The following SLC17A1 variants were observed in gnomAD, a reference collection of about 807,000 sequenced individuals.
SLC17A1 encodes solute carrier family 17 member 1.
In SLC17A1, 51 loss-of-function variants were observed where a neutral mutation model predicts 53.5. The ratio of observed to expected loss-of-function variants is 0.95; its 90% confidence interval spans 0.76 to 1.20. The LOEUF is 1.20. SLC17A1 is among the 50% of genes most tolerant of loss of function. The pLI is 0.00. For missense variants in SLC17A1, 538 were observed against 568.2 expected (o/e 0.95, Z 0.54); for synonymous variants, 179 against 198.8 (o/e 0.90, Z 0.84).
chr6:25,778,582 GTGAA>G (rs1171870765), downstream of SLC17A1, among the ~76,000 whole-genome samples: 1 of 152,104 alleles, frequency 6.6e-6, no homozygotes, highest in Non-Finnish European at 1.5e-5. Flanking sequence ...TGCTATTTAA[GTGAA>G]TGAAACACAA....
At chr6:25,733,292 TTTAG>T in the SLC17A1 span, among the ~76,000 whole-genome samples, 2 of 152,170 alleles carry the variant, frequency 1.3e-5, no homozygotes, top group African/African-American at 4.8e-5. Context: ...GGGGTTGAAT[TTTAG>T]TTAGAGTGTC....
chr6:25,798,396 C>G (rs945016231), intron 12 of SLC17A1, among the ~76,000 whole-genome samples: 5 of 152,176 alleles, frequency 3.3e-5, no homozygotes, highest in South Asian at 2.1e-4. Context: ...ATTGTAAATT[C>G]TTAGACCTTA....
chr6:25,804,789 G>T (rs1023543613), intron 10 of SLC17A1, among the ~76,000 whole-genome samples: 13 of 151,860 alleles, frequency 8.6e-5, no homozygotes, highest in Non-Finnish European at 1.9e-4. Flanking sequence ...AGACAAAGGA[G>T]GTCATTATAT....
At chr6:25,770,127 G>T in the SLC17A1 span, 2 of 1,614,060 alleles carry the variant, frequency 1.2e-6, no homozygotes, top group Non-Finnish European at 1.7e-6. Flanking sequence ...CCTCAACTAT[G>T]GCTCATTCTT....
chr6:25,789,211 T>G (rs1318870281), intron 12 of SLC17A1, among the ~76,000 whole-genome samples: 1 of 152,172 alleles, frequency 6.6e-6, no homozygotes, highest in East Asian at 1.9e-4. Context: ...GAATTTTGTT[T>G]TGTGCCACAA....
chr6:25,811,243 A>C (rs910898243), intron 10 of SLC17A1, among the ~76,000 whole-genome samples, 155 bp downstream of exon 10: 1 of 152,142 alleles, frequency 6.6e-6, no homozygotes, highest in Non-Finnish European at 1.5e-5. Flanking sequence ...CACACACACA[A>C]AAATGCTAAG....
At chr6:25,770,423 T>A in the SLC17A1 span, 73 of 1,613,996 alleles carry the variant, frequency 4.5e-5, 1 homozygote, top group South Asian at 7.5e-4. Flanking sequence ...TTGGGTCAAA[T>A]GGGCTCCCCC....
chr6:25,744,558 T>C, the SLC17A1 span, among the ~76,000 whole-genome samples: 5 of 152,318 alleles, frequency 3.3e-5, no homozygotes, highest in African/African-American at 9.6e-5. Context: ...TACAGTTAAA[T>C]TAAATTTAGA....
At position 25,819,696 on chromosome 6, in the gene SLC17A1, GA is replaced by G. The variant is rs1368319900; in HGVS notation, c.426del (p.Gln143ArgfsTer7). The G allele has an allele frequency of 6.2e-7, 1 of 1,614,112 alleles. No homozygotes were observed. Among genetic ancestry groups the G allele is most frequent in the Non-Finnish European group, 8.5e-7 (1 of 1,179,984 alleles). ...GVAWVVVCRA[V>X]QGAAQGIVAT... The stretch of plus-strand genomic sequence containing the variant: ...TATTTTAATACCTGGGCTGCTCCCT[GA>G]ACTGCTCGACATACAACGACCCAAG... On this transcript the variant is annotated frameshift_variant, in exon 4 of 13. Coordinates refer to ENST00000244527, the MANE Select transcript of SLC17A1 (RefSeq NM_005074.5). LOFTEE classifies it high-confidence loss of function.
chr6:25,804,530 C>T (rs1034822032), intron 10 of SLC17A1, among the ~76,000 whole-genome samples: 2 of 152,124 alleles, frequency 1.3e-5, no homozygotes, highest in South Asian at 2.1e-4. Context: ...TACCTGACAT[C>T]TCAATATTCA....
At chr6:25,789,881 T>A (rs1763464274) in intron 12 of SLC17A1, among the ~76,000 whole-genome samples, 1 of 152,192 alleles carries the variant, frequency 6.6e-6, no homozygotes, top group Admixed American at 6.5e-5. Flanking sequence ...CAGAATTACA[T>A]GGTAGAAATG....
chr6:25,737,304 C>T, the SLC17A1 span, among the ~76,000 whole-genome samples: 1 of 152,118 alleles, frequency 6.6e-6, no homozygotes, highest in Non-Finnish European at 1.5e-5. Flanking sequence ...GGATCCATGA[C>T]TCTTGACTCA....
At chr6:25,819,655 T>G in intron 4 of SLC17A1, 27 bp downstream of exon 4, 2 of 1,612,228 alleles carry the variant, frequency 1.2e-6, no homozygotes, top group East Asian at 4.5e-5. Context: ...ATTTAAACTC[T>G]GTTCAGTTTT....
downstream of SLC17A1, among the ~76,000 whole-genome samples, chr6:25,782,215 G>C (rs924830248): frequency 6.6e-6 from 1 of 152,148 alleles, no homozygotes; most frequent in Non-Finnish European, 1.5e-5. Flanking sequence ...AAGGGAGGCA[G>C]TAAGTGGAGA....
chr6:25,770,979 A>C, the SLC17A1 span: 3 of 1,613,848 alleles, frequency 1.9e-6, no homozygotes, highest in Non-Finnish European at 2.5e-6. Flanking sequence ...CCTCTGCCAG[A>C]CCATAGGATG....
At chr6:25,726,847 C>T in the SLC17A1 span, 105 of 1,542,868 alleles carry the variant, frequency 6.8e-5, 1 homozygote, top group Middle Eastern at 1.2e-3. Flanking sequence ...CTGTTGAGCA[C>T]TGGAAAGTGC....
chr6:25,732,728 C>G, the SLC17A1 span: 11 of 1,254,296 alleles, frequency 8.8e-6, no homozygotes, highest in Admixed American at 1.8e-5. Context: ...GCTGCTGGCC[C>G]GAGTGACAAT....
At chr6:25,829,360 A>G (rs1349824641) in intron 2 of SLC17A1, among the ~76,000 whole-genome samples, 13 of 152,160 alleles carry the variant, frequency 8.5e-5, no homozygotes, top group Non-Finnish European at 1.6e-4. Flanking sequence ...TGAACTTAAG[A>G]GCTGAATAGA....
At chr6:25,736,111 G>C in the SLC17A1 span, among the ~76,000 whole-genome samples, 1 of 151,144 alleles carries the variant, frequency 6.6e-6, no homozygotes, top group African/African-American at 2.4e-5. Context: ...GAAAGAGAAG[G>C]TGGTGGGGGT....
Sources: allele counts gnomAD v4.1 joint callset (sites outside exome capture counted in the v4.1 genomes callset), GRCh38; gene constraint gnomAD v4.1.1; transcripts MANE v1.5; gene names NCBI Gene and HGNC (gene_info 2026-07-23, HGNC 2026-07-21).